The following SPOCK3 variants were observed in gnomAD, a reference collection of about 807,000 sequenced individuals.
SPOCK3 encodes testican-3.
In SPOCK3, 30 loss-of-function variants were observed where a neutral mutation model predicts 56.6. The ratio of observed to expected loss-of-function variants is 0.53; its 90% confidence interval spans 0.40 to 0.72. The LOEUF (loss-of-function observed/expected upper bound fraction) is 0.72, where lower values mean the gene tolerates loss of function less well. Ranked by LOEUF, SPOCK3 falls within the 30% of genes least tolerant of loss-of-function variation. The pLI is 0.00. For synonymous variants in SPOCK3, 196 were observed against 183.3 expected, an observed-to-expected ratio of 1.07 and a Z score of -0.56; for missense variants, 527 against 530.0, an observed-to-expected ratio of 0.99 and a Z score of 0.06.
At chr4:167,064,256 A>G (rs536716812) in intron 2 of SPOCK3, among the ~76,000 whole-genome samples, 1 of 151,804 alleles carries the variant, frequency 6.6e-6, no homozygotes, top group Non-Finnish European at 1.5e-5. Flanking sequence ...TGTAGTTGAT[A>G]TATTTATGTC....
chr4:166,801,825 A>C (rs1742633636), intron 6 of SPOCK3, among the ~76,000 whole-genome samples: 1 of 152,196 alleles, frequency 6.6e-6, no homozygotes, highest in Admixed American at 6.5e-5. Context: ...AAAGTAGCAT[A>C]AATGGCAGGA....
chr4:167,143,245 T>C (rs181122595), intron 2 of SPOCK3, among the ~76,000 whole-genome samples: 1 of 152,100 alleles, frequency 6.6e-6, no homozygotes, highest in Admixed American at 6.6e-5. Context: ...TACTGAATCA[T>C]AGGCAAACTG....
At chr4:167,089,875 G>A (rs1395645025) in intron 2 of SPOCK3, among the ~76,000 whole-genome samples, 1 of 152,062 alleles carries the variant, frequency 6.6e-6, no homozygotes, top group Non-Finnish European at 1.5e-5. Context: ...TTATACAAAT[G>A]GAATAATGGA....
At chr4:167,137,208 C>A (rs1455839661) in intron 2 of SPOCK3, among the ~76,000 whole-genome samples, 2 of 151,958 alleles carry the variant, frequency 1.3e-5, no homozygotes, top group African/African-American at 4.8e-5. Flanking sequence ...TCTGAAATAT[C>A]TTGAGGCGAT....
intron 2 of SPOCK3, among the ~76,000 whole-genome samples, chr4:167,212,492 C>T (rs1161556273): frequency 1.3e-5 from 2 of 152,064 alleles, no homozygotes; most frequent in East Asian, 1.9e-4. Flanking sequence ...CCACCCGCCT[C>T]GGCCTCCCAA....
chr4:167,086,042 C>A (rs571135976), intron 2 of SPOCK3, among the ~76,000 whole-genome samples: 1 of 152,128 alleles, frequency 6.6e-6, no homozygotes, highest in East Asian at 1.9e-4. Context: ...TTTCTTTTTA[C>A]AGTTCTTCAC....
At chr4:167,070,490 T>C (rs1030545098) in intron 2 of SPOCK3, among the ~76,000 whole-genome samples, 1 of 151,978 alleles carries the variant, frequency 6.6e-6, no homozygotes, top group Non-Finnish European at 1.5e-5. Context: ...AAATTTTCTA[T>C]GATTTCTGTA....
intron 6 of SPOCK3, among the ~76,000 whole-genome samples, chr4:166,843,131 T>C (rs1330008724): frequency 2.0e-5 from 3 of 152,158 alleles, no homozygotes; most frequent in Non-Finnish European, 4.4e-5. Context: ...GCCAAGCCCG[T>C]GCCCACCCAG....
chr4:167,151,909 C>CTAAT (rs1254042172), intron 2 of SPOCK3, among the ~76,000 whole-genome samples: 3 of 152,150 alleles, frequency 2.0e-5, no homozygotes, highest in African/African-American at 7.2e-5. Flanking sequence ...CATCTCACAG[C>CTAAT]TAATGACTTA....
chr4:166,850,679 C>T (rs1175126072), intron 6 of SPOCK3, among the ~76,000 whole-genome samples: 1 of 152,338 alleles, frequency 6.6e-6, no homozygotes, highest in East Asian at 1.9e-4. Flanking sequence ...CAGGGAGTTC[C>T]CTTTCGTAGT....
At chr4:166,781,403 A>G (rs1740150411) in intron 7 of SPOCK3, among the ~76,000 whole-genome samples, 1 of 148,092 alleles carries the variant, frequency 6.8e-6, no homozygotes. Flanking sequence ...AGAGGATGAT[A>G]AGGAGAAAGA....
At chr4:166,968,128 G>A (rs550571200) in intron 4 of SPOCK3, among the ~76,000 whole-genome samples, 1 of 152,286 alleles carries the variant, frequency 6.6e-6, no homozygotes, top group East Asian at 1.9e-4. Flanking sequence ...TGGCCTAGCT[G>A]CTTCCAAATG....
At chr4:167,049,767 T>C (rs1754031622) in intron 3 of SPOCK3, among the ~76,000 whole-genome samples, 1 of 152,124 alleles carries the variant, frequency 6.6e-6, no homozygotes, top group African/African-American at 2.4e-5. Context: ...TACAAACACC[T>C]CATATCCTCT....
At chr4:166,917,966 G>A (rs547045750) in intron 4 of SPOCK3, among the ~76,000 whole-genome samples, 1 of 152,262 alleles carries the variant, frequency 6.6e-6, no homozygotes, top group Non-Finnish European at 1.5e-5. Context: ...TATCTCAACT[G>A]ATGGTGACTT....
intron 2 of SPOCK3, among the ~76,000 whole-genome samples, chr4:167,226,788 G>A (rs1736639897): frequency 6.6e-6 from 1 of 152,036 alleles, no homozygotes; most frequent in Admixed American, 6.6e-5. Flanking sequence ...TAATAGAGAA[G>A]CTTGCTTGAG....
chr4:166,752,305 G>A (rs570486789), intron 8 of SPOCK3, among the ~76,000 whole-genome samples: 1 of 152,148 alleles, frequency 6.6e-6, no homozygotes, highest in East Asian at 1.9e-4. Context: ...TTACAGGCAT[G>A]AGCAACTGTG....
chr4:166,897,541 T>C (rs1259058377), intron 5 of SPOCK3, among the ~76,000 whole-genome samples: 1 of 152,160 alleles, frequency 6.6e-6, no homozygotes, highest in Non-Finnish European at 1.5e-5. Context: ...CATCAAACTA[T>C]GCCACTGTGC....
At chr4:167,182,361 T>C (rs530495056) in intron 2 of SPOCK3, among the ~76,000 whole-genome samples, 1 of 146,324 alleles carries the variant, frequency 6.8e-6, no homozygotes, top group South Asian at 2.2e-4. Flanking sequence ...CACATTTATA[T>C]ATGAATAAAA....
At chr4:167,063,267 G>A (rs1755786907) in intron 2 of SPOCK3, among the ~76,000 whole-genome samples, 1 of 151,606 alleles carries the variant, frequency 6.6e-6, no homozygotes, top group Admixed American at 6.6e-5. Context: ...TAAAAGTAAG[G>A]CCAAATAGAC....
Sources: gnomAD v4.1 joint callset for allele counts (sites outside exome capture counted in the v4.1 genomes callset) on GRCh38, gnomAD v4.1.1 for gene constraint, MANE v1.5 for transcripts, NCBI Gene and HGNC (gene_info 2026-07-23, HGNC 2026-07-21) for gene names.